Variants in USF2 observed in about 807,000 individuals in gnomAD.
USF2 encodes upstream stimulatory factor 2.
USF2 carries 16 observed loss-of-function variants against 46.9 expected under a neutral mutation model. The observed-to-expected ratio is 0.34, with a 90% CI of 0.23 to 0.52. USF2 has a LOEUF of 0.52. USF2 is among the 20% of genes least tolerant of loss of function. USF2 has a pLI of 0.96. For missense variants in USF2, 411 were observed against 474.0 expected (o/e 0.87, Z 1.23); for synonymous variants, 239 against 194.1 (o/e 1.23, Z -1.92).
In USF2 at chr19:35,279,290, C is replaced by T. The variant is rs892105787; in HGVS notation, c.*34C>T. 2.1e-5 allele frequency: 31 copies of T among 1,472,606 alleles called. No homozygotes were observed. The highest frequency in any genetic ancestry group is 1.1e-4 in the African/African-American group (8 of 70,882). The allele number at this position is 1,472,606 out of a possible 1,614,324, so 91.2% of individuals were successfully genotyped here. On this transcript the variant is annotated 3_prime_UTR_variant, in exon 10 of 10. Coordinates refer to ENST00000222305, the MANE Select transcript of USF2 (RefSeq NM_003367.4). ...ACCACCACGCAGCCGCCGCCGCCCA[C>T]GCCGGCCTCTGCTGCCCCCTTCCCC...
chr19:35,275,448 T>C (rs900126752), intron 7 of USF2: 1 of 147,590 alleles, frequency 6.8e-6, no homozygotes, highest in Non-Finnish European at 1.5e-5. Context: ...TTTTTTTTTT[T>C]TCCAATTTTC....
chr19:35,278,852 A>C, intron 8 of USF2, 60 bp downstream of exon 8: 1 of 1,610,060 alleles, frequency 6.2e-7, no homozygotes, highest in Non-Finnish European at 8.5e-7. Flanking sequence ...TTGCATGCAG[A>C]AAGTCCAACA....
chr19:35,279,197 C>T lies in USF2; in HGVS notation c.982C>T (p.Leu328Phe), dbSNP rs1453792547. The T allele has an allele frequency of 2.5e-6, 4 of 1,600,374 alleles. No homozygotes were observed. The highest frequency in any genetic ancestry group is 1.1e-5 in the South Asian group (1 of 89,534). The change falls in exon 10 of 10, where the codon CTT (leucine) becomes TTT (phenylalanine). Residue 328 changes from leucine to phenylalanine, a missense_variant. Around this residue, in one of 2 missense-constraint regions of USF2, gnomAD observed 93 missense variants for 151.6 expected, o/e 0.61. Coordinates refer to ENST00000222305, the MANE Select transcript of USF2 (RefSeq NM_003367.4). ...GGAGCTGAAGAATGAGAACGCCCTG[C>T]TTCGAGCCCAGCTGCAGCAGCACAA... ...IEELKNENAL[L>F]RAQLQQHNLE...
intron 7 of USF2, among the ~76,000 whole-genome samples, chr19:35,274,888 C>G (rs1369393132): frequency 6.6e-6 from 1 of 152,210 alleles, no homozygotes; most frequent in African/African-American, 2.4e-5. Context: ...GTGCCTTCCC[C>G]TTGCTGCCCT....
chr19:35,270,281 G>C (rs1332543520), intron 4 of USF2, 166 bp from the exon 5 acceptor site: 19 of 1,108,010 alleles, frequency 1.7e-5, no homozygotes, highest in Non-Finnish European at 2.4e-5. Context: ...CTGACCTCCC[G>C]CCATGTTCCA....
chr19:35,271,235 C>G, intron 7 of USF2, 94 bp downstream of exon 7: 1 of 1,477,968 alleles, frequency 6.8e-7, no homozygotes, highest in Non-Finnish European at 9.3e-7. Flanking sequence ...AGAAGCCACT[C>G]CTGGGCAGGC....
intron 7 of USF2, among the ~76,000 whole-genome samples, chr19:35,272,454 A>C (rs184650360): frequency 1.2e-3 from 188 of 152,084 alleles, no homozygotes; most frequent in African/African-American, 4.3e-3. Flanking sequence ...CAGAGGGAAG[A>C]GCTAGAACAC....
At chr19:35,270,831 C>T (rs1185226687) in intron 6 of USF2, 26 bp downstream of exon 6, 1 of 1,613,164 alleles carries the variant, frequency 6.2e-7, no homozygotes, top group African/African-American at 1.3e-5. Flanking sequence ...ACCTGGAGGG[C>T]CTGGTGTTGA....
chr19:35,269,179 C>G lies in USF2; in HGVS notation c.62+16C>G. The G allele has an allele frequency of 1.0e-6, 1 of 1,001,982 alleles. No homozygotes were observed. The highest frequency in any genetic ancestry group is 1.2e-6 in the Non-Finnish European group (1 of 844,772). 62.1% of individuals were successfully genotyped at this position (1,001,982 alleles called of 1,614,324 possible). On this transcript the variant is annotated intron_variant, in intron 1 of 9. Transcript: ENST00000222305. ...CCGCCGCCAGGTAAGATCCCCGGCC[C>G]GGCCGTGCCCCCGCGCCCCGGCCCC... is the stretch of plus-strand genomic sequence containing the variant.
chr19:35,270,779 C>T lies in USF2; in HGVS notation c.642C>T (p.Ile214=), dbSNP rs754556791. The T allele has an allele frequency of 3.1e-6, 5 of 1,613,938 alleles. No individual in the cohort carries two copies. The South Asian group carries it at 3.3e-5, about 11-fold the overall frequency. Reference sequence around the variant, plus strand: ...TTCAGACAGGAACACAGAGGACGATCGCCCCCCGGACACACCCTTACTCTC... The same window carrying T: ...TTCAGACAGGAACACAGAGGACGATTGCCCCCCGGACACACCCTTACTCTC... The part of the protein sequence containing the change: ...DVLQTGTQRT[I]APRTHPYSPK... The change falls in exon 6 of 10, where the codon ATC becomes ATT. Residue 214 remains isoleucine (I), a synonymous_variant. Coordinates refer to ENST00000222305, the MANE Select transcript of USF2 (RefSeq NM_003367.4).
intron 7 of USF2, among the ~76,000 whole-genome samples, chr19:35,273,200 A>G (rs531199266): frequency 1.6e-4 from 25 of 152,136 alleles, no homozygotes; most frequent in East Asian, 1.4e-3. Flanking sequence ...ATCTGCCCCA[A>G]TCTGCTCATC....
chr19:35,278,812 A>G lies in USF2; in HGVS notation c.822+20A>G, dbSNP rs753922706. 1.7e-5 allele frequency: 28 copies of G among 1,613,334 alleles called. No homozygotes were observed. The highest frequency in any genetic ancestry group is 5.0e-5 in the Admixed American group (3 of 59,980). On this transcript the variant is annotated intron_variant, in intron 8 of 9. Coordinates refer to ENST00000222305, the MANE Select transcript of USF2 (RefSeq NM_003367.4). ...GGAGCGGTGAGCACCCCGGACCCTCAGTGTCTGCGGTGGTCCCGGCCCCCG... is the reference window on the plus strand; with the variant it reads ...GGAGCGGTGAGCACCCCGGACCCTCGGTGTCTGCGGTGGTCCCGGCCCCCG...
intron 7 of USF2, among the ~76,000 whole-genome samples, chr19:35,272,440 C>T (rs757306419): frequency 4.6e-5 from 7 of 152,046 alleles, no homozygotes; most frequent in Non-Finnish European, 1.0e-4. Context: ...AGGAGAGTCC[C>T]GGGCAGAGGG....
chr19:35,269,895 C>T lies in USF2; in HGVS notation c.321C>T (p.Phe107=). The T allele has an allele frequency of 1.4e-6, 2 of 1,401,400 alleles. No homozygotes were observed. 86.8% of individuals were successfully genotyped at this position (1,401,400 alleles called of 1,614,324 possible). Residue 107 remains phenylalanine, a synonymous_variant, in exon 4 of 10, where the codon TTC becomes TTT. Transcript: ENST00000222305. ...GAVSVVSTAA[F]AGGQQAVTQV... is the part of the protein sequence containing the mutation. ...TCAGCGTCGTGTCCACCGCTGCCTT[C>T]GCGGGGGGGCAGCAGGCTGTGACCC...
rs958065479 is a variant in USF2, at chr19:35,269,224, G to C, written c.62+61G>C. The C allele has an allele frequency of 1.4e-4, 134 of 967,260 alleles. No individual in the cohort carries two copies. The African/African-American group carries it at 2.4e-3, about 17-fold the overall frequency. The allele number at this position is 967,260 out of a possible 1,614,324, so 59.9% of individuals were successfully genotyped here. ...GGCCCCGGCCCCGGCCCCGCGGCCT[G>C]CAGGCCGGGGCCGCCATGATCCCGA... On this transcript the variant is annotated intron_variant, in intron 1 of 9. Coordinates refer to ENST00000222305, the MANE Select transcript of USF2 (RefSeq NM_003367.4).
At chr19:35,278,640 A>C (rs1599635623) in intron 7 of USF2, 58 bp from the exon 8 acceptor site, 2 of 1,565,084 alleles carry the variant, frequency 1.3e-6, no homozygotes, top group Non-Finnish European at 1.8e-6. Flanking sequence ...CCCTGTGAGG[A>C]CGGCCGCTCA....
chr19:35,270,991 C>T (rs1405593765), intron 6 of USF2, 92 bp from the exon 7 acceptor site: 2 of 1,545,530 alleles, frequency 1.3e-6, no homozygotes, highest in African/African-American at 1.4e-5. Flanking sequence ...ATTTACCTTG[C>T]AAAGATAATT....
chr19:35,276,176 A>G (rs1384965789), intron 7 of USF2, among the ~76,000 whole-genome samples: 3 of 149,818 alleles, frequency 2.0e-5, no homozygotes, highest in Non-Finnish European at 3.0e-5. Context: ...GGTTCAAGCA[A>G]TTCTCGTGCT....
At chr19:35,271,705 G>A (rs921910882) in intron 7 of USF2, among the ~76,000 whole-genome samples, 3 of 152,254 alleles carry the variant, frequency 2.0e-5, no homozygotes, top group Non-Finnish European at 2.9e-5. Flanking sequence ...AGTAGCCACT[G>A]CAGTGGGCAC....
Sources: allele counts gnomAD v4.1 joint callset (sites outside exome capture counted in the v4.1 genomes callset), GRCh38; gene constraint gnomAD v4.1.1; regional missense constraint gnomAD v4.1.1; transcripts MANE v1.5; gene names NCBI Gene and HGNC (gene_info 2026-07-23, HGNC 2026-07-21).